The following GRIK3 variants were observed in gnomAD, a reference collection of about 807,000 sequenced individuals.
GRIK3 encodes the protein glutamate receptor ionotropic, kainate 3.
GRIK3 carries 29 observed loss-of-function variants against 102.5 expected under a neutral mutation model. The ratio of observed to expected loss-of-function variants is 0.28; its 90% confidence interval spans 0.21 to 0.39. The LOEUF (loss-of-function observed/expected upper bound fraction) is 0.39, where lower values mean the gene tolerates loss of function less well. Ranked by LOEUF, GRIK3 falls within the 10% of genes least tolerant of loss-of-function variation. The probability of loss-of-function intolerance (pLI) is 1.00; values close to 1 mark genes in which losing one functional copy is unlikely to be tolerated. For synonymous variants in GRIK3, 511 were observed against 504.9 expected, an observed-to-expected ratio of 1.01 and a Z score of -0.16; for missense variants, 908 against 1,252.4, an observed-to-expected ratio of 0.73 and a Z score of 4.15.
chr1:36,852,714 G>A (rs541379139), intron 8 of GRIK3, among the ~76,000 whole-genome samples: 9 of 152,198 alleles, frequency 5.9e-5, no homozygotes, highest in Non-Finnish European at 1.2e-4. Flanking sequence ...AGAGGCATCC[G>A]AAGTGGCCCC....
In GRIK3 at chr1:36,913,209, C is replaced by T. The variant is rs577871626; in HGVS notation, c.116-22113G>A. On this transcript the variant is annotated intron_variant, in intron 1 of 15. Transcript: ENST00000373091. ...TCCCAACTGGGCTCATCTCCAAACC[C>T]GGGCACCTGCTCCATAGCAATGCCA... Among the ~76,000 whole-genome samples the T allele has an allele frequency of 2.5e-4, 38 of 152,316 alleles. No individual in the cohort carries two copies. In the South Asian group the frequency reaches 7.3e-3, roughly 29 times the overall value.
At chr1:36,885,894 C>T (rs1344035656) in intron 2 of GRIK3, among the ~76,000 whole-genome samples, 2 of 152,218 alleles carry the variant, frequency 1.3e-5, no homozygotes, top group Non-Finnish European at 2.9e-5. Flanking sequence ...CAGGAGTCCA[C>T]AGCCTGAATG....
intron 15 of GRIK3, among the ~76,000 whole-genome samples, chr1:36,803,806 T>A (rs905842994): frequency 6.6e-6 from 1 of 152,242 alleles, no homozygotes; most frequent in Non-Finnish European, 1.5e-5. Flanking sequence ...TAATTTTGTA[T>A]CAACAGAGAA....
At chr1:36,889,003 A>G (rs1031068551) in intron 2 of GRIK3, among the ~76,000 whole-genome samples, 2 of 152,104 alleles carry the variant, frequency 1.3e-5, no homozygotes, top group African/African-American at 2.4e-5. Flanking sequence ...TCAAACTACC[A>G]GGACTGATTT....
intron 1 of GRIK3, among the ~76,000 whole-genome samples, chr1:36,965,093 A>G (rs1347203691): frequency 6.6e-6 from 1 of 152,178 alleles, no homozygotes; most frequent in Non-Finnish European, 1.5e-5. Context: ...AGCAGGCTCA[A>G]ATCTGATCCC....
chr1:36,849,308 G>A (rs767220003), intron 9 of GRIK3, among the ~76,000 whole-genome samples: 2 of 152,170 alleles, frequency 1.3e-5, no homozygotes, highest in African/African-American at 2.4e-5. Context: ...TCTGAGCACC[G>A]TGGAAGGGGC....
At chr1:36,915,549 T>C (rs906166645) in intron 1 of GRIK3, among the ~76,000 whole-genome samples, 1 of 152,156 alleles carries the variant, frequency 6.6e-6, no homozygotes, top group African/African-American at 2.4e-5. Flanking sequence ...TTTGGATGTG[T>C]CCCCACCCAA....
At chr1:36,843,931 C>T (rs181439778) in intron 9 of GRIK3, among the ~76,000 whole-genome samples, 25 of 152,312 alleles carry the variant, frequency 1.6e-4, no homozygotes, top group African/African-American at 5.1e-4. Flanking sequence ...ACTCAACTGG[C>T]GGGGCCATTC....
chr1:36,811,280 G>A (rs1557688936), intron 13 of GRIK3, among the ~76,000 whole-genome samples: 1 of 152,126 alleles, frequency 6.6e-6, no homozygotes, highest in Non-Finnish European at 1.5e-5. Flanking sequence ...AGTTGCTATG[G>A]CACTTAAAGG....
At chr1:37,024,636 A>G (rs1291306156) in intron 1 of GRIK3, among the ~76,000 whole-genome samples, 1 of 149,950 alleles carries the variant, frequency 6.7e-6, no homozygotes, top group Non-Finnish European at 1.5e-5. Context: ...CCAGCTCCTC[A>G]GGAGGCTGAG....
intron 9 of GRIK3, among the ~76,000 whole-genome samples, chr1:36,847,537 C>T (rs1640532905): frequency 6.6e-6 from 1 of 152,218 alleles, no homozygotes; most frequent in Non-Finnish European, 1.5e-5. Context: ...AGATCTCTCA[C>T]TCAGCATGCT....
rs183037116 is a variant in GRIK3, at chr1:37,032,990, C to T, written c.115+1004G>A. On this transcript the variant is annotated intron_variant, in intron 1 of 15. Coordinates refer to ENST00000373091, the MANE Select transcript of GRIK3 (RefSeq NM_000831.4). ...GCTCGCCTGGTGCCAGGCGCTGGTG[C>T]TGGCGCCGAGTGAACCCAGGCGGCC... Among the ~76,000 whole-genome samples the T allele has an allele frequency of 5.3e-3, 802 of 152,324 alleles. 6 individuals are homozygous for T. The highest frequency in any genetic ancestry group is 0.017 in the African/African-American group (723 of 41,586).
In GRIK3 at chr1:36,880,650, G is replaced by T; in HGVS notation, c.534C>A (p.Val178=). Residue 178 remains valine, a synonymous_variant, in exon 3 of 16, where the codon GTC becomes GTA. Transcript: ENST00000373091. This position sits in a 1 kb window ranked among gnomAD's most constrained non-coding sequence, Gnocchi z 5.4. ...GCCACCCACCTGTACTGTCGTCATA[G>T]ACCACGGTGGCTGACCGCCACTTGA... ...QYLKWRSATV[V]YDDSTGLIRL... The T allele has an allele frequency of 1.2e-6, 2 of 1,614,128 alleles. No individual in the cohort carries two copies. Among genetic ancestry groups the T allele is most frequent in the South Asian group, 1.1e-5 (1 of 91,064 alleles).
At chr1:36,848,229 A>G (rs1001397409) in intron 9 of GRIK3, among the ~76,000 whole-genome samples, 3 of 152,136 alleles carry the variant, frequency 2.0e-5, no homozygotes, top group African/African-American at 7.2e-5. Context: ...CAAGGTGCTT[A>G]TATTTTGTAT....
chr1:36,983,076 G>T (rs1334356324), intron 1 of GRIK3, among the ~76,000 whole-genome samples: 2 of 152,018 alleles, frequency 1.3e-5, no homozygotes, highest in Non-Finnish European at 2.9e-5. Flanking sequence ...CCACACAATC[G>T]CACATTCTCT....
intron 7 of GRIK3, among the ~76,000 whole-genome samples, chr1:36,855,561 G>C (rs1261487045): frequency 6.6e-6 from 1 of 152,232 alleles, no homozygotes; most frequent in Admixed American, 6.5e-5. Flanking sequence ...TAGAAAGTGG[G>C]CTCTGCACAA....
chr1:36,888,841 C>T (rs1201594511), intron 2 of GRIK3, among the ~76,000 whole-genome samples: 1 of 152,150 alleles, frequency 6.6e-6, no homozygotes, highest in Non-Finnish European at 1.5e-5. Flanking sequence ...ACTTCTGTAG[C>T]TCTCTCTCAT....
intron 11 of GRIK3, among the ~76,000 whole-genome samples, chr1:36,824,242 C>T (rs74356044): frequency 0.028 from 4,260 of 152,232 alleles, 208 homozygotes; most frequent in African/African-American, 0.098. Flanking sequence ...AAGGGCAGAG[C>T]GGATGCCAGA....
Position 36,859,876 on chromosome 1 carries a change from A to G in GRIK3, c.928T>C (p.Ser310Pro), listed in dbSNP as rs6691840. ...SMERLQAAPR[S>P]ESGLLDGVMM... ...ACTCCATCCAGCAGGCCAGACTCGG[A>G]CCGGGGAGCTGCCTGCAGCCGCTCC... Residue 310 changes from serine (S) to proline (P), a missense_variant, in exon 6 of 16, where the codon TCC (serine) becomes CCC (proline). Ser to Pro is a moderately conservative substitution (Grantham distance 74). Coordinates refer to ENST00000373091, the MANE Select transcript of GRIK3 (RefSeq NM_000831.4). The G allele has an allele frequency of 4.0e-5, 65 of 1,613,778 alleles. No homozygotes were observed. The East Asian group carries it at 8.2e-4, about 20-fold the overall frequency.
Sources: gnomAD v4.1 joint callset for allele counts (sites outside exome capture counted in the v4.1 genomes callset) on GRCh38, gnomAD v4.1.1 for gene constraint, Gnocchi (gnomAD v3.1) non-coding constraint, MANE v1.5 for transcripts, NCBI Gene and HGNC (gene_info 2026-07-23, HGNC 2026-07-21) for gene names.